GRM1: variants seen among roughly 807,000 people sequenced by gnomAD.
GRM1 encodes glutamate metabotropic receptor 1.
A neutral mutation model predicts 90.9 loss-of-function variants in GRM1; 33 were observed. The ratio of observed to expected loss-of-function variants is 0.36; its 90% CI spans 0.28 to 0.49. The LOEUF (loss-of-function observed/expected upper bound fraction) is 0.49, where lower values mean the gene tolerates loss of function less well. GRM1 is among the 20% of genes least tolerant of loss of function. The pLI is 0.99. For synonymous variants in GRM1, 700 were observed against 613.2 expected (o/e 1.14, Z -2.09); for missense variants, 1,190 against 1,534.3 (o/e 0.78, Z 3.75).
At chr6:146,121,125 G>T (rs972493456) in intron 1 of GRM1, among the ~76,000 whole-genome samples, 1 of 152,044 alleles carries the variant, frequency 6.6e-6, no homozygotes, top group East Asian at 1.9e-4. Context: ...GCCTCTTATT[G>T]GTCTATTCAG....
At chr6:146,229,214 C>A (rs1051093193) in intron 2 of GRM1, among the ~76,000 whole-genome samples, 1 of 151,536 alleles carries the variant, frequency 6.6e-6, no homozygotes, top group African/African-American at 2.4e-5. Flanking sequence ...GAACTCCCGA[C>A]CTCAGGTGAT....
rs555180739 is a variant in GRM1, at chr6:146,278,906, C to T, written c.951-25705C>T. On this transcript the variant is annotated intron_variant, in intron 2 of 7. Transcript: ENST00000282753. ...ATTTTTAGTAGAGTCGGGGTTTCAC[C>T]GTGTTAGTCAGGATGGTCTCAATCT... Among the ~76,000 whole-genome samples, 173 of 152,210 alleles carry T rather than the reference C, an allele frequency of 1.1e-3. 1 individual carries two copies. The highest frequency in any genetic ancestry group is 2.1e-3 in the Non-Finnish European group (140 of 68,002).
At chr6:146,367,239 C>A (rs1029899089) in intron 5 of GRM1, among the ~76,000 whole-genome samples, 1 of 152,076 alleles carries the variant, frequency 6.6e-6, no homozygotes, top group Non-Finnish European at 1.5e-5. Flanking sequence ...TCTGGACTCT[C>A]TCGTCTGTTC....
chr6:146,049,790 G>A lies in GRM1; in HGVS notation c.700+19573G>A, dbSNP rs528933695. Among the ~76,000 whole-genome samples the A allele has an allele frequency of 2.7e-5, 4 of 149,662 alleles. No homozygotes were observed. In the South Asian group the frequency reaches 8.3e-4, roughly 31 times the overall value. ...ATAACAACGATGGCAGTACCATGGA[G>A]TGAGTATTTATTGTGTGCCAAACAC... On this transcript the variant is annotated intron_variant, in intron 1 of 7. Coordinates refer to ENST00000282753, the MANE Select transcript of GRM1 (RefSeq NM_001278064.2).
At chr6:146,102,030 G>A (rs1777069291) in intron 1 of GRM1, among the ~76,000 whole-genome samples, 1 of 151,970 alleles carries the variant, frequency 6.6e-6, no homozygotes, top group African/African-American at 2.4e-5. Context: ...AGTTCTACAG[G>A]GAAGTCAGCC....
At chr6:146,385,889 G>A (rs1776482274) in intron 5 of GRM1, among the ~76,000 whole-genome samples, 1 of 151,970 alleles carries the variant, frequency 6.6e-6, no homozygotes, top group African/African-American at 2.4e-5. Flanking sequence ...TGATAAATTA[G>A]TGGTGCATAT....
intron 3 of GRM1, among the ~76,000 whole-genome samples, chr6:146,331,119 C>T (rs1305321074): frequency 6.6e-6 from 1 of 152,130 alleles, no homozygotes; most frequent in Non-Finnish European, 1.5e-5. Context: ...CTTGTATCAT[C>T]AGGGAAGGAG....
intron 6 of GRM1, among the ~76,000 whole-genome samples, chr6:146,395,116 A>T (rs362926): frequency 6.6e-6 from 1 of 152,086 alleles, no homozygotes; most frequent in Non-Finnish European, 1.5e-5. Flanking sequence ...CTCCCAAACC[A>T]TAGAGAGCAG....
intron 6 of GRM1, among the ~76,000 whole-genome samples, chr6:146,388,396 A>T (rs1776585459): frequency 1.3e-5 from 2 of 152,046 alleles, no homozygotes; most frequent in South Asian, 4.1e-4. Context: ...ACTTGTTTCC[A>T]AGTAAAAATA....
rs1363941177 is a variant in GRM1 at position 146,259,998 on chromosome 6, C to A, written c.951-44613C>A. Among the ~76,000 whole-genome samples the A allele has an allele frequency of 2.0e-5, 3 of 148,180 alleles. No homozygotes were observed. The Admixed American group carries it at 2.0e-4, about 10-fold the overall frequency. On this transcript the variant is annotated intron_variant, in intron 2 of 7. Coordinates refer to ENST00000282753, the MANE Select transcript of GRM1 (RefSeq NM_001278064.2). ...TTTATATATATATATATGTTAGTGA[C>A]ACTATTTTATTTTTATTATTTTTTA...
intron 1 of GRM1, among the ~76,000 whole-genome samples, chr6:146,089,684 A>G (rs1776653761): frequency 6.6e-6 from 1 of 152,124 alleles, no homozygotes; most frequent in Non-Finnish European, 1.5e-5. Context: ...AAATTTTAAT[A>G]GGTGATGCCA....
chr6:146,128,053 C>T (rs559173977), intron 1 of GRM1, among the ~76,000 whole-genome samples: 36 of 152,224 alleles, frequency 2.4e-4, no homozygotes, highest in African/African-American at 7.2e-4. Flanking sequence ...GGCCTCTCTA[C>T]GTGGCTGCTT....
intron 2 of GRM1, among the ~76,000 whole-genome samples, chr6:146,218,614 T>C (rs1293123829): frequency 6.6e-6 from 1 of 152,130 alleles, no homozygotes. Context: ...ATAAAATGTA[T>C]GAAAAAAATC....
At chr6:146,140,111 T>TTCTTTCTC (rs1272626621) in intron 1 of GRM1, among the ~76,000 whole-genome samples, 1 of 126,596 alleles carries the variant, frequency 7.9e-6, no homozygotes. Flanking sequence ...CTTTCTTTCT[T>TTCTTTCTC]TCTTTCTTTC....
intron 2 of GRM1, among the ~76,000 whole-genome samples, chr6:146,229,529 C>G (rs1364198855): frequency 6.6e-6 from 1 of 151,848 alleles, no homozygotes; most frequent in East Asian, 1.9e-4. Flanking sequence ...CAAAAGTAAC[C>G]AAAGTCACGT....
At chr6:146,394,935 G>A (rs1776874078) in intron 6 of GRM1, among the ~76,000 whole-genome samples, 1 of 152,042 alleles carries the variant, frequency 6.6e-6, no homozygotes, top group Non-Finnish European at 1.5e-5. Flanking sequence ...AATGAAGCAT[G>A]AGCTGGACAC....
chr6:146,294,233 C>A (rs1783096172), intron 2 of GRM1, among the ~76,000 whole-genome samples: 2 of 151,640 alleles, frequency 1.3e-5, no homozygotes, highest in Admixed American at 1.3e-4. Flanking sequence ...AAATTTCCTC[C>A]TAAGAACTCT....
intron 1 of GRM1, among the ~76,000 whole-genome samples, chr6:146,069,779 A>T (rs1387959764): frequency 1.3e-5 from 2 of 152,198 alleles, no homozygotes; most frequent in African/African-American, 2.4e-5. Context: ...TTGTACTACC[A>T]CCACTATCAT....
intron 2 of GRM1, among the ~76,000 whole-genome samples, chr6:146,200,739 G>A (rs1028311624): frequency 1.3e-5 from 2 of 152,124 alleles, no homozygotes; most frequent in Admixed American, 1.3e-4. Flanking sequence ...AGGATAAGGG[G>A]AAGGGAGCAT....
Sources: allele counts gnomAD v4.1 joint callset (sites outside exome capture counted in the v4.1 genomes callset), GRCh38; gene constraint gnomAD v4.1.1; transcripts MANE v1.5; gene names NCBI Gene and HGNC (gene_info 2026-07-23, HGNC 2026-07-21).